HIVEP3: variants seen among roughly 807,000 people sequenced by gnomAD.
The protein encoded by HIVEP3 is transcription factor HIVEP3.
HIVEP3 carries 49 observed loss-of-function variants against 152.8 expected under a neutral mutation model. The ratio of observed to expected loss-of-function variants is 0.32; its 90% confidence interval spans 0.26 to 0.41. The LOEUF (loss-of-function observed/expected upper bound fraction) is 0.41. Ranked by LOEUF, HIVEP3 falls within the 10% of genes least tolerant of loss-of-function variation. HIVEP3 has a pLI of 1.00. For missense variants in HIVEP3, 2,790 were observed against 3,103.3 expected (o/e 0.90, Z 2.40); for synonymous variants, 1,269 against 1,289.0 (o/e 0.98, Z 0.33).
chr1:41,784,347 G>A (rs570335732), intron 1 of HIVEP3, among the ~76,000 whole-genome samples: 1 of 152,242 alleles, frequency 6.6e-6, no homozygotes, highest in East Asian at 1.9e-4. Context: ...ATAACCTTTT[G>A]GATATGTTGT....
chr1:41,886,355 AG>A (rs1281996588), intron 1 of HIVEP3, among the ~76,000 whole-genome samples: 2 of 152,178 alleles, frequency 1.3e-5, no homozygotes, highest in Non-Finnish European at 2.9e-5. Context: ...AATGGCTTTG[AG>A]ACTCAAAGGT....
intron 1 of HIVEP3, among the ~76,000 whole-genome samples, chr1:41,755,210 G>GTTT: frequency 6.6e-6 from 1 of 151,724 alleles, no homozygotes; most frequent in East Asian, 1.9e-4. Flanking sequence ...AGGAAGCATA[G>GTTT]TTTTTTTTTA....
chr1:41,714,364 A>T (rs1318678226), intron 1 of HIVEP3, among the ~76,000 whole-genome samples: 2 of 152,232 alleles, frequency 1.3e-5, no homozygotes, highest in Non-Finnish European at 1.5e-5. Flanking sequence ...AGTGTTTCCC[A>T]TGGGTACCAT....
Position 41,664,457 on chromosome 1 carries a change from T to C in HIVEP3, c.-720-35510A>G, listed in dbSNP as rs1317389836. Among the ~76,000 whole-genome samples, 1 of 152,236 alleles carries C rather than the reference T, an allele frequency of 6.6e-6. No individual in the cohort carries two copies. The highest frequency in any genetic ancestry group is 2.4e-5 in the African/African-American group (1 of 41,456). ...CAATGGATTTGGTCACCTTCCATGA[T>C]GCCACAGGCAACTCAATAGTTCCTG... On this transcript the variant is annotated intron_variant, in intron 2 of 8. Coordinates refer to ENST00000372583, the MANE Select transcript of HIVEP3 (RefSeq NM_024503.5). The surrounding 1 kb of genome is among the most constrained non-coding windows in gnomAD (Gnocchi z 4.4).
intron 2 of HIVEP3, among the ~76,000 whole-genome samples, chr1:41,694,336 A>G (rs904029137): frequency 6.6e-6 from 1 of 152,022 alleles, no homozygotes; most frequent in African/African-American, 2.4e-5. Context: ...TTTTACCCAA[A>G]ATTATAATTA....
chr1:41,620,132 C>T (rs944402046), intron 3 of HIVEP3, among the ~76,000 whole-genome samples: 1 of 152,110 alleles, frequency 6.6e-6, no homozygotes, highest in African/African-American at 2.4e-5. Flanking sequence ...AGCACTGAAA[C>T]GACCCCAGGG....
At chr1:41,658,911 C>T (rs894200297) in intron 2 of HIVEP3, among the ~76,000 whole-genome samples, 11 of 152,312 alleles carry the variant, frequency 7.2e-5, no homozygotes, top group East Asian at 5.8e-4. Flanking sequence ...AATTCTATAA[C>T]GGTAGAGCTA....
chr1:41,816,515 C>G (rs975097635), intron 1 of HIVEP3, among the ~76,000 whole-genome samples: 1 of 151,890 alleles, frequency 6.6e-6, no homozygotes. Flanking sequence ...GGTGAAACCC[C>G]ATCTCTACCA....
At chr1:41,800,427 A>C (rs1650234999) in intron 1 of HIVEP3, among the ~76,000 whole-genome samples, 1 of 152,216 alleles carries the variant, frequency 6.6e-6, no homozygotes, top group Admixed American at 6.5e-5. Context: ...GAGGTCATGC[A>C]GAGAACCAGG....
At chr1:41,854,225 A>C (rs1383802032) in intron 1 of HIVEP3, among the ~76,000 whole-genome samples, 7 of 152,156 alleles carry the variant, frequency 4.6e-5, no homozygotes, top group Admixed American at 1.3e-4. Flanking sequence ...AAATTTTGAC[A>C]GATGGGCCAG....
At position 41,581,008 on chromosome 1, in the gene HIVEP3, T is replaced by G; in HGVS notation, c.3790A>C (p.Ser1264Arg). The change falls in exon 4 of 9, where the codon AGC becomes CGC. Residue 1264 changes from serine to arginine, a missense_variant. Transcript: ENST00000372583. This position sits in a 1 kb window ranked among gnomAD's most constrained non-coding sequence, Gnocchi z 4.5. Reference sequence around the variant, plus strand: ...CTTCCTGTTGCCAGTGGGGCCAGGCTGGTTTTGATCTGGGGCAGATGGCTT... The same window carrying G: ...CTTCCTGTTGCCAGTGGGGCCAGGCGGGTTTTGATCTGGGGCAGATGGCTT... ...VESHLPQIKTSLAPLATGSAG... is the reference protein window; with the variant it reads ...VESHLPQIKTRLAPLATGSAG... The G allele has an allele frequency of 6.4e-7, 1 of 1,568,926 alleles. No homozygotes were observed. Among genetic ancestry groups the G allele is most frequent in the Non-Finnish European group, 8.6e-7 (1 of 1,157,090 alleles).
intron 1 of HIVEP3, among the ~76,000 whole-genome samples, chr1:41,866,505 A>T (rs972575443): frequency 2.4e-4 from 37 of 152,204 alleles, no homozygotes; most frequent in African/African-American, 8.2e-4. Flanking sequence ...AAGGATTCAC[A>T]GTGGACCTGG....
rs568487173 is a variant in HIVEP3, at chr1:41,658,578, C to T, written c.-720-29631G>A. Among the ~76,000 whole-genome samples, 112 of 152,304 alleles carry T rather than the reference C, an allele frequency of 7.4e-4. 1 individual carries two copies. Among genetic ancestry groups the T allele is most frequent in the African/African-American group, 2.5e-3 (104 of 41,574 alleles). On this transcript the variant is annotated intron_variant, in intron 2 of 8. Coordinates refer to ENST00000372583, the MANE Select transcript of HIVEP3 (RefSeq NM_024503.5). The stretch of plus-strand genomic sequence containing the variant: ...TGAAAGTGCATGTTCTCACTTCACC[C>T]CCCCCATGAGCCTCGGGAGGCAGGT...
intron 2 of HIVEP3, among the ~76,000 whole-genome samples, chr1:41,635,208 C>A (rs534130429): frequency 5.0e-4 from 76 of 152,138 alleles, no homozygotes; most frequent in African/African-American, 1.8e-3. Context: ...ACTCTTGAAT[C>A]AAAGAGGACA....
chr1:42,024,211 A>G (rs1167540167), intron 1 of HIVEP3, among the ~76,000 whole-genome samples: 2 of 152,070 alleles, frequency 1.3e-5, no homozygotes, highest in East Asian at 1.9e-4. Flanking sequence ...TTCTCTATAT[A>G]TTATTTAGTT....
intron 5 of HIVEP3, among the ~76,000 whole-genome samples, chr1:41,544,527 C>T (rs114073715): frequency 2.5e-4 from 38 of 151,550 alleles, no homozygotes; most frequent in African/African-American, 9.3e-4. Flanking sequence ...AGGGGGATGT[C>T]TCTCCACAGC....
intron 1 of HIVEP3, among the ~76,000 whole-genome samples, chr1:41,843,537 G>A (rs1643349436): frequency 6.6e-6 from 1 of 151,746 alleles, no homozygotes; most frequent in Non-Finnish European, 1.5e-5. Flanking sequence ...CCACTCTTCT[G>A]TTGCCCTGTT....
chr1:41,563,964 A>G (rs1202839542), intron 5 of HIVEP3, among the ~76,000 whole-genome samples: 1 of 152,164 alleles, frequency 6.6e-6, no homozygotes, highest in African/African-American at 2.4e-5. Context: ...GAGGCTGAAG[A>G]GGGCAGATCA....
At chr1:41,562,947 C>A (rs1003762502) in intron 5 of HIVEP3, among the ~76,000 whole-genome samples, 12 of 152,030 alleles carry the variant, frequency 7.9e-5, no homozygotes, top group South Asian at 4.2e-4. Context: ...ACTCTCCCCC[C>A]ACCCACCCCA....
Sources: allele counts gnomAD v4.1 joint callset (sites outside exome capture counted in the v4.1 genomes callset), GRCh38; gene constraint gnomAD v4.1.1; non-coding constraint Gnocchi (gnomAD v3.1); transcripts MANE v1.5; gene names NCBI Gene and HGNC (gene_info 2026-07-23, HGNC 2026-07-21).